LGSN: variants seen among roughly 807,000 people sequenced by gnomAD.
LGSN encodes lengsin, lens protein with glutamine synthetase domain, also known as lengsin.
A neutral mutation model predicts 19.5 loss-of-function variants in LGSN; 21 were observed. The observed-to-expected ratio is 1.07, with a 90% CI of 0.76 to 1.55. The LOEUF (loss-of-function observed/expected upper bound fraction) is 1.55, where lower values mean the gene tolerates loss of function less well. LGSN is among the 40% of genes most tolerant of loss of function. LGSN has a pLI of 0.00. For missense variants in LGSN, 673 were observed against 608.5 expected (o/e 1.11, Z -1.12); for synonymous variants, 257 against 215.6 (o/e 1.19, Z -1.68).
the LGSN span, among the ~76,000 whole-genome samples, chr6:63,357,905 C>T: frequency 6.6e-6 from 1 of 151,970 alleles, no homozygotes; most frequent in Admixed American, 6.6e-5. Context: ...GAAGTCCTTG[C>T]CCATGCCTAT....
At chr6:63,440,861 C>A in the LGSN span, 2 of 171,230 alleles carry the variant, frequency 1.2e-5, no homozygotes, top group South Asian at 3.0e-4. Flanking sequence ...AAGACCCGGT[C>A]AAGGAGCTGG....
chr6:63,573,133 T>G, the LGSN span: 1 of 159,586 alleles, frequency 6.3e-6, no homozygotes, highest in Non-Finnish European at 1.4e-5. Context: ...CGTCCGGGCA[T>G]GGCAGGCTCC....
At chr6:63,467,602 C>T in the LGSN span, among the ~76,000 whole-genome samples, 1 of 152,208 alleles carries the variant, frequency 6.6e-6, no homozygotes, top group South Asian at 2.1e-4. Flanking sequence ...TCTGTGTGAA[C>T]AAGCCTGGTG....
At chr6:63,474,405 G>A in the LGSN span, among the ~76,000 whole-genome samples, 2 of 151,652 alleles carry the variant, frequency 1.3e-5, no homozygotes, top group African/African-American at 4.8e-5. Context: ...TCAGGAGATC[G>A]AGACCATCCT....
At chr6:63,387,466 C>CTTCT in the LGSN span, among the ~76,000 whole-genome samples, 6 of 152,038 alleles carry the variant, frequency 3.9e-5, no homozygotes, top group Non-Finnish European at 8.8e-5. Flanking sequence ...GAAGCATATG[C>CTTCT]ATAGGTTACA....
the LGSN span, among the ~76,000 whole-genome samples, chr6:63,516,455 T>C: frequency 3.9e-5 from 6 of 152,322 alleles, no homozygotes; most frequent in South Asian, 1.2e-3. Context: ...CACTTCAAAG[T>C]AGTGCTTGAG....
chr6:63,514,147 G>A, the LGSN span, among the ~76,000 whole-genome samples: 1 of 152,110 alleles, frequency 6.6e-6, no homozygotes, highest in Non-Finnish European at 1.5e-5. Context: ...AAGAACCAAA[G>A]GCACACTACA....
the LGSN span, among the ~76,000 whole-genome samples, chr6:63,355,868 G>A: frequency 6.8e-4 from 103 of 152,228 alleles, no homozygotes; most frequent in African/African-American, 2.2e-3. Context: ...TAGTGGAGAC[G>A]GGGTTTCACC....
the LGSN span, among the ~76,000 whole-genome samples, chr6:63,566,431 A>G: frequency 6.6e-6 from 1 of 152,152 alleles, no homozygotes; most frequent in African/African-American, 2.4e-5. Flanking sequence ...AGACATTATT[A>G]TCAGTGCCTG....
the LGSN span, among the ~76,000 whole-genome samples, chr6:63,464,319 T>C: frequency 2.6e-5 from 4 of 152,226 alleles, no homozygotes; most frequent in African/African-American, 9.6e-5. Context: ...CATGTAACTG[T>C]TGCATGCAGC....
the LGSN span, among the ~76,000 whole-genome samples, chr6:63,412,818 G>A: frequency 9.3e-4 from 133 of 143,340 alleles, no homozygotes; most frequent in African/African-American, 3.4e-3. Context: ...AGGAAGGAAA[G>A]GAAGGAAAGG....
intron 2 of LGSN, among the ~76,000 whole-genome samples, chr6:63,293,485 G>A (rs931640514): frequency 6.6e-6 from 1 of 152,142 alleles, no homozygotes; most frequent in Non-Finnish European, 1.5e-5. Context: ...ACAGCCTAAA[G>A]GGTAAAGAAA....
chr6:63,466,223 G>A, the LGSN span, among the ~76,000 whole-genome samples: 1 of 152,302 alleles, frequency 6.6e-6, no homozygotes, highest in Admixed American at 6.5e-5. Flanking sequence ...AATCATCTGA[G>A]AGAGATGGGG....
chr6:63,294,877 C>A (rs1369532444), intron 2 of LGSN, 36 bp downstream of exon 2: 1 of 1,609,526 alleles, frequency 6.2e-7, no homozygotes, highest in East Asian at 2.2e-5. Flanking sequence ...TTGCCTCTGA[C>A]CACACCATTT....
At chr6:63,485,066 T>G in the LGSN span, among the ~76,000 whole-genome samples, 81,038 of 151,436 alleles carry the variant, frequency 0.54, 23,478 homozygotes, top group African/African-American at 0.77. Context: ...AAGTTCAGGG[T>G]TACATGCAGG....
At chr6:63,425,026 T>C in the LGSN span, among the ~76,000 whole-genome samples, 94 of 152,260 alleles carry the variant, frequency 6.2e-4, no homozygotes, top group Admixed American at 1.6e-3. Flanking sequence ...GGAAAGATGT[T>C]CAACATGATT....
chr6:63,321,696 T>G (rs1230517793), upstream of LGSN, among the ~76,000 whole-genome samples: 1 of 152,208 alleles, frequency 6.6e-6, no homozygotes, highest in Non-Finnish European at 1.5e-5. Context: ...GTATTACCAT[T>G]ATTTAGAATC....
At chr6:63,364,198 G>A in the LGSN span, among the ~76,000 whole-genome samples, 16 of 151,830 alleles carry the variant, frequency 1.1e-4, no homozygotes, top group Non-Finnish European at 1.9e-4. Flanking sequence ...CACATGCAGA[G>A]ACACACATAC....
chr6:63,487,909 G>A, the LGSN span, among the ~76,000 whole-genome samples: 2 of 151,860 alleles, frequency 1.3e-5, no homozygotes, highest in Middle Eastern at 3.4e-3. Context: ...GAACCGAAGA[G>A]ATGGAGGTTG....
Sources: gnomAD v4.1 joint callset for allele counts (sites outside exome capture counted in the v4.1 genomes callset) on GRCh38, gnomAD v4.1.1 for gene constraint, MANE v1.5 for transcripts, NCBI Gene and HGNC (gene_info 2026-07-23, HGNC 2026-07-21) for gene names.